The following LRP1B variants were observed in gnomAD, a reference collection of about 807,000 sequenced individuals.
The protein encoded by LRP1B is low-density lipoprotein receptor-related protein 1B.
A neutral mutation model predicts 556.6 loss-of-function variants in LRP1B; 217 were observed. The observed-to-expected ratio is 0.39, with a 90% CI of 0.35 to 0.44. The LOEUF (loss-of-function observed/expected upper bound fraction) is 0.44, where lower values mean the gene tolerates loss of function less well. Among genes scored for constraint, LRP1B ranks in the 20% least tolerant of loss-of-function variants. The probability of loss-of-function intolerance (pLI) is 1.00; values close to 1 mark genes in which losing one functional copy is unlikely to be tolerated. For synonymous variants in LRP1B, 2,047 were observed against 1,865.8 expected, an observed-to-expected ratio of 1.10 and a Z score of -2.50; for missense variants, 5,053 against 5,620.8, an observed-to-expected ratio of 0.90 and a Z score of 3.23.
At chr2:141,640,022 G>A (rs1189649853) in intron 2 of LRP1B, among the ~76,000 whole-genome samples, 1 of 152,146 alleles carries the variant, frequency 6.6e-6, no homozygotes, top group Non-Finnish European at 1.5e-5. Context: ...AGCAATAGAA[G>A]CTTGAACCCA....
chr2:141,069,952 C>G, intron 7 of LRP1B, among the ~76,000 whole-genome samples: 1 of 127,416 alleles, frequency 7.8e-6, no homozygotes, highest in East Asian at 2.7e-4. Context: ...ATACCTCCCC[C>G]CTCCCCCCAC....
chr2:140,239,073 G>A lies in LRP1B; in HGVS notation c.13415+369C>T, dbSNP rs111251198. ...ATGTACAAATTGGAGATGTATATAT[G>A]CATATCAGTATCACTGTATTGACAT... On this transcript the variant is annotated intron_variant, in intron 88 of 90. Coordinates refer to ENST00000389484, the MANE Select transcript of LRP1B (RefSeq NM_018557.3). Among the ~76,000 whole-genome samples the A allele has an allele frequency of 8.4e-3, 1,267 of 150,856 alleles. 62 individuals carry two copies. In the East Asian group the frequency reaches 0.14, roughly 16 times the overall value.
intron 1 of LRP1B, among the ~76,000 whole-genome samples, chr2:141,930,361 C>A (rs930188250): frequency 6.6e-6 from 1 of 151,984 alleles, no homozygotes; most frequent in Admixed American, 6.6e-5. Flanking sequence ...TTTAAGCCAG[C>A]AAGGGACACT....
chr2:141,741,231 G>A (rs1488041532), intron 2 of LRP1B, among the ~76,000 whole-genome samples: 1 of 148,680 alleles, frequency 6.7e-6, no homozygotes, highest in Non-Finnish European at 1.5e-5. Flanking sequence ...ATAAACACAG[G>A]CGTGCAGTTA....
intron 29 of LRP1B, among the ~76,000 whole-genome samples, chr2:140,841,310 C>A (rs1036987240): frequency 1.3e-5 from 2 of 152,106 alleles, no homozygotes; most frequent in Non-Finnish European, 2.9e-5. Flanking sequence ...CCTGAAGCAA[C>A]AATTAGCATT....
chr2:140,320,614 A>C (rs1416783165), intron 82 of LRP1B, among the ~76,000 whole-genome samples: 4 of 150,662 alleles, frequency 2.7e-5, no homozygotes, highest in Admixed American at 6.6e-5. Flanking sequence ...TTTTGTGGAG[A>C]ATGGGTACTT....
At chr2:141,872,030 A>C (rs1698605030) in intron 1 of LRP1B, among the ~76,000 whole-genome samples, 1 of 151,874 alleles carries the variant, frequency 6.6e-6, no homozygotes, top group Non-Finnish European at 1.5e-5. Flanking sequence ...GTTCTTCAAG[A>C]GAGATTCTCA....
chr2:140,286,375 T>C (rs1683153285), intron 84 of LRP1B, among the ~76,000 whole-genome samples: 1 of 151,782 alleles, frequency 6.6e-6, no homozygotes, highest in South Asian at 2.1e-4. Context: ...GGAAAATCAC[T>C]TGGGAAGCAA....
At chr2:142,099,602 G>A (rs1244844498) in intron 1 of LRP1B, among the ~76,000 whole-genome samples, 3 of 151,730 alleles carry the variant, frequency 2.0e-5, no homozygotes, top group Non-Finnish European at 4.4e-5. Flanking sequence ...ATCCCAAATC[G>A]AACTAATGGT....
At chr2:141,864,932 T>G (rs958633850) in intron 1 of LRP1B, among the ~76,000 whole-genome samples, 1 of 151,938 alleles carries the variant, frequency 6.6e-6, no homozygotes, top group South Asian at 2.1e-4. Flanking sequence ...AAATGTGGTG[T>G]TGTATTGTTA....
chr2:140,311,317 G>A (rs1192687520), intron 83 of LRP1B, among the ~76,000 whole-genome samples: 1 of 151,740 alleles, frequency 6.6e-6, no homozygotes, highest in Admixed American at 6.6e-5. Context: ...AGAAAACGTG[G>A]CATACACACA....
intron 7 of LRP1B, among the ~76,000 whole-genome samples, chr2:141,136,489 T>G (rs762737872): frequency 1.3e-5 from 2 of 151,780 alleles, no homozygotes; most frequent in African/African-American, 4.8e-5. Flanking sequence ...TTTATTTATC[T>G]AAAGGCAAGG....
intron 1 of LRP1B, among the ~76,000 whole-genome samples, chr2:141,816,640 G>A: frequency 6.6e-6 from 1 of 152,100 alleles, no homozygotes; most frequent in Non-Finnish European, 1.5e-5. Flanking sequence ...TTGTGATTGT[G>A]TGAATCAAAT....
intron 66 of LRP1B, among the ~76,000 whole-genome samples, chr2:140,428,196 T>C (rs1263328853): frequency 6.6e-6 from 1 of 152,206 alleles, no homozygotes; most frequent in African/African-American, 2.4e-5. Flanking sequence ...AATTAAATTC[T>C]GGCCCTCAAA....
At chr2:142,004,984 T>G (rs1433680387) in intron 1 of LRP1B, among the ~76,000 whole-genome samples, 1 of 148,914 alleles carries the variant, frequency 6.7e-6, no homozygotes, top group East Asian at 1.9e-4. Context: ...TATTTAGTAT[T>G]ATAGATACTA....
chr2:142,129,110 T>C (rs1707759053), intron 1 of LRP1B, among the ~76,000 whole-genome samples: 1 of 152,216 alleles, frequency 6.6e-6, no homozygotes, highest in Non-Finnish European at 1.5e-5. Flanking sequence ...ATTCTGTTCA[T>C]CTGCTCTGGT....
intron 11 of LRP1B, among the ~76,000 whole-genome samples, chr2:141,028,298 GAAT>G (rs1483608937): frequency 6.6e-6 from 1 of 151,210 alleles, no homozygotes; most frequent in Non-Finnish European, 1.5e-5. Flanking sequence ...AGGTATTAGT[GAAT>G]AATAACTTAT....
chr2:140,315,840 T>A (rs977635499), intron 82 of LRP1B, among the ~76,000 whole-genome samples: 1 of 152,166 alleles, frequency 6.6e-6, no homozygotes, highest in Non-Finnish European at 1.5e-5. Flanking sequence ...AGAGAGACTC[T>A]TTGATGTTGG....
At chr2:141,384,662 T>G (rs956340997) in intron 3 of LRP1B, among the ~76,000 whole-genome samples, 4 of 152,040 alleles carry the variant, frequency 2.6e-5, no homozygotes, top group Non-Finnish European at 5.9e-5. Context: ...ATGCCACAGG[T>G]TGCTCGGGGA....
Sources: gnomAD v4.1 joint callset for allele counts (sites outside exome capture counted in the v4.1 genomes callset) on GRCh38, gnomAD v4.1.1 for gene constraint, MANE v1.5 for transcripts, NCBI Gene and HGNC (gene_info 2026-07-23, HGNC 2026-07-21) for gene names.